Variants in ATAD2B observed in about 807,000 individuals in gnomAD.
ATAD2B encodes ATPase family AAA domain-containing protein 2B.
Under a neutral mutation model 167.6 loss-of-function variants are expected in ATAD2B, and 40 were observed. The observed-to-expected ratio is 0.24, with a 90% CI of 0.19 to 0.31. The LOEUF (loss-of-function observed/expected upper bound fraction) is 0.31. Among genes scored for constraint, ATAD2B ranks in the 10% least tolerant of loss-of-function variants. The probability of loss-of-function intolerance (pLI) is 1.00; values close to 1 mark genes in which losing one functional copy is unlikely to be tolerated. For missense variants in ATAD2B, 1,242 were observed against 1,757.2 expected (o/e 0.71, Z 5.24); for synonymous variants, 579 against 596.5 (o/e 0.97, Z 0.43).
the ATAD2B span, among the ~76,000 whole-genome samples, chr2:23,706,322 A>ACTAACAGAGTTAGTTAGT: frequency 3.3e-5 from 5 of 152,246 alleles, no homozygotes; most frequent in African/African-American, 9.6e-5. Context: ...TGTTTTTCTT[A>ACTAACAGAGTTAGTTAGT]TGCCAGCCCA....
At chr2:23,870,650 G>T (rs867777118) in intron 8 of ATAD2B, among the ~76,000 whole-genome samples, 2 of 98,014 alleles carry the variant, frequency 2.0e-5, no homozygotes, top group African/African-American at 4.1e-5. Flanking sequence ...AATAACATTA[G>T]AATCTCAGAA....
rs920513317 is a variant in ATAD2B at position 23,926,981 on chromosome 2, G to C, written c.-211C>G. ...GCGGCGTGCGGGAAGCGGGGGCGGT[G>C]CTGCAGACCGGCAGCACAGACACTC... is the stretch of plus-strand genomic sequence containing the variant. On this transcript the variant is annotated 5_prime_UTR_variant, in exon 1 of 28. Coordinates refer to ENST00000238789, the MANE Select transcript of ATAD2B (RefSeq NM_017552.4). The C allele has an allele frequency of 3.5e-6, 2 of 566,874 alleles. No individual in the cohort carries two copies. The highest frequency in any genetic ancestry group is 4.0e-5 in the African/African-American group (2 of 49,870). The allele number at this position is 566,874 out of a possible 1,614,324, so 35.1% of individuals were successfully genotyped here.
At chr2:23,762,421 C>A (rs1295981433) in intron 23 of ATAD2B, 75 bp from the exon 24 acceptor site, 2 of 1,457,510 alleles carry the variant, frequency 1.4e-6, no homozygotes, top group Non-Finnish European at 1.8e-6. Flanking sequence ...AAAAAAATCT[C>A]AAATACAAAA....
rs1572765362 is a variant in ATAD2B at position 23,791,452 on chromosome 2, G to A, written c.2641-2805C>T. On this transcript the variant is annotated intron_variant, in intron 19 of 27. Coordinates refer to ENST00000238789, the MANE Select transcript of ATAD2B (RefSeq NM_017552.4). ...TCTTTATTTTTGATTACAGCTATTA[G>A]GTTGGTGCAAAAGCACTTTTTTTTT... 2.0e-5 allele frequency among the ~76,000 whole-genome samples: 3 copies of A among 151,120 alleles called. No homozygotes were observed. The East Asian group carries it at 5.8e-4, about 29-fold the overall frequency.
chr2:23,695,682 C>G, the ATAD2B span: 1 of 1,551,686 alleles, frequency 6.4e-7, no homozygotes. This position sits in a 1 kb window ranked among gnomAD's most constrained non-coding sequence, Gnocchi z 7.6. Flanking sequence ...GCTACCTGCT[C>G]AATGTGGTTG....
Position 23,783,001 on chromosome 2 carries a change from C to A in ATAD2B, c.3001G>T (p.Glu1001Ter). The stretch of plus-strand genomic sequence containing the variant: ...ATTACTGTTGATAAGTCCATTGGTT[C>A]CTTGATTACTTCAAGATAATCTGAA... ...EVSDYLEVIK[E>*]PMDLSTVITK... Residue 1001 changes from glutamate to a stop codon, truncating the protein, a stop_gained, in exon 22 of 28, where the codon GAA (glutamate) becomes TAA (stop). Coordinates refer to ENST00000238789, the MANE Select transcript of ATAD2B (RefSeq NM_017552.4). LOFTEE classifies it high-confidence loss of function. 1 of 1,550,958 alleles carries A rather than the reference C, an allele frequency of 6.4e-7. No homozygotes were observed. The highest frequency in any genetic ancestry group is 8.9e-7 in the Non-Finnish European group (1 of 1,129,438).
chr2:23,758,097 C>G lies in ATAD2B; in HGVS notation c.3399G>C (p.Arg1133=). The G allele has an allele frequency of 6.4e-7, 1 of 1,562,638 alleles. No individual in the cohort carries two copies. Among genetic ancestry groups the G allele is most frequent in the Non-Finnish European group, 8.6e-7 (1 of 1,165,508 alleles). ...ATCTCCGCCTTGATTTTCTCCGAAC[C>G]CGAACTGTTTTACAAGGAAGGAAAA... ...WHNSANKCAF[R]VRRKSRRRSQ... is the part of the protein sequence containing the mutation. The change falls in exon 25 of 28, where the codon CGG becomes CGC. Residue 1133 remains arginine, a synonymous_variant. Transcript: ENST00000238789.
chr2:23,797,529 G>A (rs1682810771), intron 19 of ATAD2B, among the ~76,000 whole-genome samples: 1 of 152,100 alleles, frequency 6.6e-6, no homozygotes, highest in Admixed American at 6.5e-5. Context: ...ATAACTGATA[G>A]TGATATAGCC....
chr2:23,739,720 CAG>C, the ATAD2B span, among the ~76,000 whole-genome samples: 3 of 152,198 alleles, frequency 2.0e-5, no homozygotes, highest in South Asian at 6.2e-4. Context: ...CTGAAGGAAA[CAG>C]AGACACAAAA....
chr2:23,867,788 A>G, intron 10 of ATAD2B, 47 bp downstream of exon 10: 1 of 1,369,828 alleles, frequency 7.3e-7, no homozygotes, highest in East Asian at 2.3e-5. Context: ...CAAGAAAAAA[A>G]CTTTTAAAAA....
rs56385020 is a variant in ATAD2B, at chr2:23,869,331, A to G, written c.1076+332T>C. Among the ~76,000 whole-genome samples the G allele has an allele frequency of 6.6e-3, 1,012 of 152,358 alleles. 23 individuals are homozygous for G. Among genetic ancestry groups the G allele is most frequent in the Non-Finnish European group, 6.8e-3 (462 of 68,034 alleles). On this transcript the variant is annotated intron_variant, in intron 9 of 27. Coordinates refer to ENST00000238789, the MANE Select transcript of ATAD2B (RefSeq NM_017552.4). ...TGACTGCTATAATACTGTAATCATT[A>G]TAAGTACCTAAAATCAACCTCATTA...
chr2:23,869,806 C>T, intron 8 of ATAD2B, 45 bp from the exon 9 acceptor site: 1 of 1,310,286 alleles, frequency 7.6e-7, no homozygotes, highest in East Asian at 2.5e-5. Flanking sequence ...TAATAGCAAA[C>T]AACTTTTTAA....
intron 13 of ATAD2B, among the ~76,000 whole-genome samples, chr2:23,844,801 G>A (rs1481712408): frequency 6.6e-6 from 1 of 151,990 alleles, no homozygotes; most frequent in Admixed American, 6.6e-5. Context: ...GGAGACAGGA[G>A]GTGGGGACGA....
At chr2:23,718,318 C>T in the ATAD2B span, among the ~76,000 whole-genome samples, 512 of 152,304 alleles carry the variant, frequency 3.4e-3, 3 homozygotes, top group African/African-American at 0.012. Context: ...CCTAGGAAAG[C>T]ATTAGCCTCC....
At chr2:23,823,196 C>T in intron 16 of ATAD2B, 62 bp downstream of exon 16, 1 of 1,290,198 alleles carries the variant, frequency 7.8e-7, no homozygotes, top group Non-Finnish European at 1.1e-6. Flanking sequence ...TATGAGGAAA[C>T]TATATTTATT....
chr2:23,791,743 C>T (rs377191123), intron 19 of ATAD2B, among the ~76,000 whole-genome samples: 146 of 152,242 alleles, frequency 9.6e-4, no homozygotes, highest in Non-Finnish European at 1.6e-3. Context: ...AAATAATGTT[C>T]CATTGTATAT....
intron 13 of ATAD2B, among the ~76,000 whole-genome samples, chr2:23,844,554 A>G (rs1445842516): frequency 6.6e-6 from 1 of 152,246 alleles, no homozygotes; most frequent in Admixed American, 6.5e-5. Context: ...GAAAAGTTCT[A>G]TATGTATATG....
At chr2:23,894,373 C>T (rs1399202107) in intron 2 of ATAD2B, among the ~76,000 whole-genome samples, 2 of 151,308 alleles carry the variant, frequency 1.3e-5, no homozygotes, top group African/African-American at 4.9e-5. Context: ...CCCAAATACT[C>T]GGGAGACTGA....
chr2:23,680,061 T>C, the ATAD2B span, among the ~76,000 whole-genome samples: 1 of 152,096 alleles, frequency 6.6e-6, no homozygotes, highest in Non-Finnish European at 1.5e-5. This position sits in a 1 kb window ranked among gnomAD's most constrained non-coding sequence, Gnocchi z 4.1. Flanking sequence ...GTGTGGCCAG[T>C]GGCTGTGAGG....
Sources: allele counts gnomAD v4.1 joint callset (sites outside exome capture counted in the v4.1 genomes callset), GRCh38; gene constraint gnomAD v4.1.1; non-coding constraint Gnocchi (gnomAD v3.1); transcripts MANE v1.5; gene names NCBI Gene and HGNC (gene_info 2026-07-23, HGNC 2026-07-21).